Variants in DNAJC13 observed in about 807,000 individuals in gnomAD.
The protein encoded by DNAJC13 is dnaJ homolog subfamily C member 13.
In DNAJC13, 75 loss-of-function variants were observed where a neutral mutation model predicts 290.5. The observed-to-expected ratio is 0.26, with a 90% CI of 0.21 to 0.31. The LOEUF is 0.31. Among genes scored for constraint, DNAJC13 ranks in the 10% least tolerant of loss-of-function variants. DNAJC13 has a pLI of 1.00. For synonymous variants in DNAJC13, 862 were observed against 892.0 expected (o/e 0.97, Z 0.60); for missense variants, 2,260 against 2,674.5 (o/e 0.85, Z 3.42).
intron 1 of DNAJC13, among the ~76,000 whole-genome samples, chr3:132,430,497 T>A (rs112372592): frequency 1.6e-3 from 251 of 152,224 alleles, no homozygotes; most frequent in African/African-American, 5.7e-3. Flanking sequence ...AATTTTTAGA[T>A]CCTTAATTTT....
At chr3:132,512,805 C>A (rs1326891334) in intron 44 of DNAJC13, among the ~76,000 whole-genome samples, 1 of 152,112 alleles carries the variant, frequency 6.6e-6, no homozygotes, top group African/African-American at 2.4e-5. Flanking sequence ...ACAAAGTAAA[C>A]CTAAAAAGCT....
In DNAJC13 at chr3:132,447,484, A is replaced by T; in HGVS notation, c.294+14A>T. 6.5e-7 allele frequency: 1 copy of T among 1,543,466 alleles called. No homozygotes were observed. On this transcript the variant is annotated intron_variant, in intron 4 of 55. Transcript: ENST00000260818. ...ACAGAAGCATTGGTAAGAAGATTCC[A>T]TGTTCATAAATAAAATTTCTTTCTT... is the stretch of plus-strand genomic sequence containing the variant.
rs746256167 is a variant in DNAJC13, at chr3:132,483,443, A to G, written c.3048A>G (p.Gly1016=). ...KTRCWAQGMD[G]WRPLQSIPQL... The stretch of plus-strand genomic sequence containing the variant: ...GATGCTGGGCTCAAGGCATGGATGG[A>G]TGGCGACCACTTCAGTCCATACCCC... Residue 1016 remains glycine (G), a synonymous_variant, in exon 28 of 56, where the codon GGA becomes GGG. Transcript: ENST00000260818. The G allele has an allele frequency of 6.2e-7, 1 of 1,614,158 alleles. No individual in the cohort carries two copies.
chr3:132,510,325 C>G lies in DNAJC13; in HGVS notation c.5116-742C>G, dbSNP rs527706153. 1.4e-3 allele frequency among the ~76,000 whole-genome samples: 208 copies of G among 152,208 alleles called. 2 individuals carry two copies. The highest frequency in any genetic ancestry group is 3.4e-3 in the Middle Eastern group (1 of 294). On this transcript the variant is annotated intron_variant, in intron 43 of 55. Transcript: ENST00000260818. ...CTTTTGTGATGATTCCTCATCACTT[C>G]CAGAAGCAGCTGAGGAGCTTCTTCT...
Position 132,447,460 on chromosome 3 carries a change from C to A in DNAJC13, c.284C>A (p.Thr95Lys). ...ACAGAGCACAGAACAGAACTTCTTA[C>A]AGAAGCATTGGTAAGAAGATTCCAT... ...FSTEHRTELL[T>K]EALRFRTDFS... Residue 95 changes from threonine to lysine, a missense_variant, in exon 4 of 56, where the codon ACA (threonine) becomes AAA (lysine). Physicochemically the swap from Thr to Lys is moderately conservative, Grantham distance 78 (BLOSUM62 -1). This residue lies in a region of DNAJC13 where 762 missense variants were observed against 964.1 expected (regional missense o/e 0.79). Coordinates refer to ENST00000260818, the MANE Select transcript of DNAJC13 (RefSeq NM_015268.4). The A allele has an allele frequency of 6.4e-7, 1 of 1,574,042 alleles. No homozygotes were observed. Among genetic ancestry groups the A allele is most frequent in the Non-Finnish European group, 8.6e-7 (1 of 1,167,854 alleles).
chr3:132,482,298 A>C lies in DNAJC13; in HGVS notation c.2947A>C (p.Lys983Gln), dbSNP rs767288124. The change falls in exon 27 of 56, where the codon AAA becomes CAA. Residue 983 changes from lysine (K) to glutamine (Q), a missense_variant. Coordinates refer to ENST00000260818, the MANE Select transcript of DNAJC13 (RefSeq NM_015268.4). The part of the protein sequence containing the change: ...EKEWYFGNAD[K>Q]ERSGPYGFHE... Reference sequence around the variant, plus strand: ...GGAATGGTATTTTGGCAACGCAGACAAAGAAAGGAGTGGCCCGTATGGATT... The same window carrying C: ...GGAATGGTATTTTGGCAACGCAGACCAAGAAAGGAGTGGCCCGTATGGATT... 1.9e-6 allele frequency: 3 copies of C among 1,613,746 alleles called. No homozygotes were observed. Among genetic ancestry groups the C allele is most frequent in the South Asian group, 2.2e-5 (2 of 91,084 alleles).
intron 1 of DNAJC13, among the ~76,000 whole-genome samples, chr3:132,432,218 G>C (rs6778391): frequency 0.055 from 8,308 of 151,634 alleles, 390 homozygotes; most frequent in African/African-American, 0.12. Context: ...GTTTTTTTGG[G>C]GGGGGACAGA....
chr3:132,456,083 C>A, intron 9 of DNAJC13, 152 bp from the exon 10 acceptor site: 2 of 611,396 alleles, frequency 3.3e-6, no homozygotes, highest in East Asian at 2.8e-5. Context: ...AGTATTAGAG[C>A]TCTTCCTAAA....
chr3:132,432,114 T>C (rs1020076877), intron 1 of DNAJC13, among the ~76,000 whole-genome samples: 11 of 152,342 alleles, frequency 7.2e-5, no homozygotes, highest in African/African-American at 2.2e-4. Context: ...TAAAAAGATA[T>C]AAAGCAAGCT....
rs753604598 is a variant in DNAJC13, at chr3:132,453,284, C to T, written c.538-14C>T. The T allele has an allele frequency of 6.2e-7, 1 of 1,609,000 alleles. No individual in the cohort carries two copies. On this transcript the variant is annotated splice_polypyrimidine_tract_variant and intron_variant, in intron 6 of 55. Coordinates refer to ENST00000260818, the MANE Select transcript of DNAJC13 (RefSeq NM_015268.4). ...GTTTCAACTCTGACTTTTTAAATTT[C>T]TAAATTTGTGCAGCATTTATTTGCG...
At chr3:132,466,105 T>C (rs1235053448) in intron 18 of DNAJC13, 35 bp downstream of exon 18, 4 of 1,535,754 alleles carry the variant, frequency 2.6e-6, no homozygotes, top group Admixed American at 3.4e-5. Context: ...ATATACTGCC[T>C]AATAAAATTT....
intron 29 of DNAJC13, 122 bp from the exon 30 acceptor site, chr3:132,488,176 C>A: frequency 1.2e-6 from 1 of 808,884 alleles, no homozygotes; most frequent in Non-Finnish European, 1.8e-6. Flanking sequence ...CTTACTGACT[C>A]CCATGGGTTT....
intron 2 of DNAJC13, among the ~76,000 whole-genome samples, chr3:132,435,253 T>C (rs1435866704): frequency 1.3e-5 from 2 of 152,184 alleles, no homozygotes; most frequent in Admixed American, 6.5e-5. Context: ...TCAAATATAT[T>C]GAGTATTCAG....
chr3:132,446,532 C>T lies in DNAJC13; in HGVS notation c.126C>T (p.Thr42=), dbSNP rs1296340412. Residue 42 remains threonine, a synonymous_variant, in exon 3 of 56, where the codon ACC becomes ACT. Transcript: ENST00000260818. ...THAITTYNPN[T]LEVTNQWPYG... ...CGATTACTACATATAATCCCAATAC[C>T]TTAGAAGTAACAAATCAGGTAATCC... 6.2e-7 allele frequency: 1 copy of T among 1,604,658 alleles called. No homozygotes were observed.
chr3:132,470,903 C>T (rs1421118969), intron 20 of DNAJC13, among the ~76,000 whole-genome samples: 3 of 132,960 alleles, frequency 2.3e-5, no homozygotes, highest in Non-Finnish European at 3.3e-5. Context: ...GACCCCCCCA[C>T]CTCCCTCCCG....
chr3:132,516,925 G>T (rs958520238), intron 48 of DNAJC13, 109 bp downstream of exon 48: 5 of 943,266 alleles, frequency 5.3e-6, no homozygotes, highest in Admixed American at 5.5e-5. Context: ...ATAAGGAAAT[G>T]AGGTGATGTG....
intron 34 of DNAJC13, among the ~76,000 whole-genome samples, chr3:132,494,731 G>A (rs1468351568): frequency 6.6e-6 from 1 of 152,096 alleles, no homozygotes; most frequent in Non-Finnish European, 1.5e-5. Context: ...GACTAAAACT[G>A]TATATTTTGG....
intron 5 of DNAJC13, among the ~76,000 whole-genome samples, chr3:132,448,166 A>G (rs1055095325): frequency 6.6e-6 from 1 of 152,164 alleles, no homozygotes; most frequent in African/African-American, 2.4e-5. Context: ...AAAAGGCAAA[A>G]AAACCTTTGG....
intron 35 of DNAJC13, among the ~76,000 whole-genome samples, chr3:132,496,264 G>A (rs1935231779): frequency 6.6e-6 from 1 of 152,018 alleles, no homozygotes; most frequent in Non-Finnish European, 1.5e-5. Flanking sequence ...GTATGTATGA[G>A]TTTAACATGA....
Sources: gnomAD v4.1 joint callset for allele counts (sites outside exome capture counted in the v4.1 genomes callset) on GRCh38, gnomAD v4.1.1 for gene constraint, gnomAD v4.1.1 regional missense constraint, MANE v1.5 for transcripts, NCBI Gene and HGNC (gene_info 2026-07-23, HGNC 2026-07-21) for gene names.